METTL16: variants seen among roughly 807,000 people sequenced by gnomAD.
The protein encoded by METTL16 is methyltransferase 16, RNA N6-adenosine.
Under a neutral mutation model 57.9 loss-of-function variants are expected in METTL16, and 19 were observed. That is an observed-to-expected ratio of 0.33 (90% confidence interval 0.23 to 0.48). The LOEUF (loss-of-function observed/expected upper bound fraction) is 0.48, where lower values mean the gene tolerates loss of function less well. METTL16 is among the 20% of genes least tolerant of loss of function. METTL16 has a pLI of 0.99. For missense variants in METTL16, 434 were observed against 691.5 expected, an observed-to-expected ratio of 0.63 and a Z score of 4.18; for synonymous variants, 246 against 255.6, an observed-to-expected ratio of 0.96 and a Z score of 0.36.
At position 2,421,135 on chromosome 17, in the gene METTL16, C is replaced by T. The variant is rs150775090; in HGVS notation, c.889-231G>A. Among the ~76,000 whole-genome samples, 1,284 of 152,304 alleles carry T rather than the reference C, an allele frequency of 8.4e-3. 12 individuals are homozygous for T. Among genetic ancestry groups the T allele is most frequent in the Middle Eastern group, 0.014 (4 of 294 alleles). ...TTGGGGGGCCATGGCAGGAGCATCA[C>T]TTGAGCCCAGGAGTTTGAGATCAGC... On this transcript the variant is annotated intron_variant, in intron 8 of 9. Coordinates refer to ENST00000263092, the MANE Select transcript of METTL16 (RefSeq NM_024086.4).
chr17:2,440,970 CAAAAAAAAAAAA>C (rs760521188), intron 7 of METTL16, among the ~76,000 whole-genome samples: 4 of 34,042 alleles, frequency 1.2e-4, no homozygotes, highest in South Asian at 2.5e-3. Context: ...GACTTGATCT[CAAAAAAAAAAAA>C]AAAAAAAAAA....
intron 1 of METTL16, among the ~76,000 whole-genome samples, chr17:2,505,170 A>C (rs112204260): frequency 0.023 from 3,508 of 151,862 alleles, 61 homozygotes; most frequent in African/African-American, 0.049. Flanking sequence ...ATATATATAT[A>C]TATCTCTCTC....
At chr17:2,448,782 A>AAAAT (rs1491132528) in intron 6 of METTL16, among the ~76,000 whole-genome samples, 2 of 102,990 alleles carry the variant, frequency 1.9e-5, no homozygotes, top group African/African-American at 1.3e-4. Context: ...ATAAAAAAAT[A>AAAAT]AAAAAATAAA....
chr17:2,464,312 A>T lies in METTL16; in HGVS notation c.624T>A (p.Ser208Arg). The change falls in exon 6 of 10, where the codon AGT (serine) becomes AGA (arginine). Residue 208 changes from serine (S) to arginine (R), a missense_variant. Ser to Arg is a moderately radical substitution (Grantham distance 110). Around this residue, in one of 5 missense-constraint regions of METTL16, gnomAD observed 118 missense variants for 280.0 expected, o/e 0.42. Coordinates refer to ENST00000263092, the MANE Select transcript of METTL16 (RefSeq NM_024086.4). ...CTGTGATGCCTCCTGTATTAACAGAACTAGGCGGAGGTCTTCGAGGATTTC... is the reference window on the plus strand; with the variant it reads ...CTGTGATGCCTCCTGTATTAACAGATCTAGGCGGAGGTCTTCGAGGATTTC... Reference protein sequence around the residue: ...NSRNPRRPPPSSVNTGGITEI... With the variant: ...NSRNPRRPPPRSVNTGGITEI... 6.2e-7 allele frequency: 1 copy of T among 1,611,670 alleles called. No individual in the cohort carries two copies. The highest frequency in any genetic ancestry group is 1.3e-5 in the African/African-American group (1 of 74,918).
intron 6 of METTL16, among the ~76,000 whole-genome samples, chr17:2,446,933 G>A (rs866593640): frequency 5.9e-5 from 9 of 151,354 alleles, no homozygotes; most frequent in Middle Eastern, 3.2e-3. Context: ...GCTCGCTACA[G>A]CCTCCACCTC....
chr17:2,446,752 GT>G (rs541985432), intron 6 of METTL16, among the ~76,000 whole-genome samples: 12 of 149,294 alleles, frequency 8.0e-5, no homozygotes, highest in East Asian at 3.9e-4. Context: ...ACTGGTTCTC[GT>G]TTTTTTTTTG....
Position 2,495,425 on chromosome 17 carries a change from G to A in METTL16, c.128+6779C>T, listed in dbSNP as rs1382598257. 3.3e-5 allele frequency among the ~76,000 whole-genome samples: 5 copies of A among 152,052 alleles called. No homozygotes were observed. In the East Asian group the frequency reaches 5.8e-4, roughly 18 times the overall value. ...GAAAAAGATGATTTCGGCTGGGTGC[G>A]GTGGCTCACGCCTGTAATCCCAGCA... On this transcript the variant is annotated intron_variant, in intron 2 of 9. Coordinates refer to ENST00000263092, the MANE Select transcript of METTL16 (RefSeq NM_024086.4).
Position 2,419,440 on chromosome 17 carries a change from T to C in METTL16, c.*530A>G. 1 of 325,990 alleles carries C rather than the reference T, an allele frequency of 3.1e-6. No individual in the cohort carries two copies. The highest frequency in any genetic ancestry group is 6.1e-6 in the Non-Finnish European group (1 of 163,320). The allele number at this position is 325,990 out of a possible 1,614,324, so 20.2% of individuals were successfully genotyped here. A position where few individuals can be genotyped will look rare whatever the true frequency, so the allele number is the denominator to read the frequency against. On this transcript the variant is annotated 3_prime_UTR_variant, in exon 10 of 10. Coordinates refer to ENST00000263092, the MANE Select transcript of METTL16 (RefSeq NM_024086.4). Reference sequence around the variant, plus strand: ...CTGCTCCTTCCCAGCATTACTAAGGTTTCTCTCCCAGATTCCCCACCACCC... The same window carrying C: ...CTGCTCCTTCCCAGCATTACTAAGGCTTCTCTCCCAGATTCCCCACCACCC...
chr17:2,466,994 C>T (rs750773637), intron 5 of METTL16, among the ~76,000 whole-genome samples: 17 of 151,938 alleles, frequency 1.1e-4, no homozygotes, highest in Non-Finnish European at 2.5e-4. Flanking sequence ...TTTGTAGAGA[C>T]AGGGCTTCAC....
In METTL16 at chr17:2,441,499, G is replaced by A. The variant is rs2066951641; in HGVS notation, c.789C>T (p.Arg263=). 1 of 1,596,252 alleles carries A rather than the reference G, an allele frequency of 6.3e-7. No homozygotes were observed. Among genetic ancestry groups the A allele is most frequent in the Non-Finnish European group, 8.5e-7 (1 of 1,169,962 alleles). The part of the protein sequence containing the change: ...CSLAPLKEEL[R]IQGVPKVTYT... ...AATGAGGAAGCCTCACCCCTTGTAT[G>A]CGAAGCTCCTCCTTCAGAGGCGCCA... The change falls in exon 7 of 10, where the codon CGC becomes CGT. Residue 263 remains arginine (R), a synonymous_variant. Coordinates refer to ENST00000263092, the MANE Select transcript of METTL16 (RefSeq NM_024086.4).
rs559605238 is a variant in METTL16, at chr17:2,478,822, G to A, written c.129-937C>T. On this transcript the variant is annotated intron_variant, in intron 2 of 9. Coordinates refer to ENST00000263092, the MANE Select transcript of METTL16 (RefSeq NM_024086.4). ...CAGTGTTTCACTTCTTTTTATGGGCGAATAATGTTCCATAGTAAGAATGAC... is the reference window on the plus strand; with the variant it reads ...CAGTGTTTCACTTCTTTTTATGGGCAAATAATGTTCCATAGTAAGAATGAC... Among the ~76,000 whole-genome samples the A allele has an allele frequency of 1.7e-4, 26 of 152,216 alleles. No homozygotes were observed. The South Asian group carries it at 3.1e-3, about 18-fold the overall frequency.
chr17:2,419,558 G>A lies in METTL16; in HGVS notation c.*412C>T. On this transcript the variant is annotated 3_prime_UTR_variant, in exon 10 of 10. Transcript: ENST00000263092. The stretch of plus-strand genomic sequence containing the variant: ...GTACCAGGGCCTCCAGCTGGAGGCA[G>A]AGAGAGCCACCCCTCCTCAAGAAAC... 2.2e-6 allele frequency: 1 copy of A among 458,312 alleles called. No individual in the cohort carries two copies. The highest frequency in any genetic ancestry group is 4.4e-6 in the Non-Finnish European group (1 of 229,306). The allele number at this position is 458,312 out of a possible 1,614,324, so 28.4% of individuals were successfully genotyped here.
chr17:2,489,321 A>C (rs1357776071), intron 2 of METTL16, among the ~76,000 whole-genome samples: 1 of 152,006 alleles, frequency 6.6e-6, no homozygotes, highest in Non-Finnish European at 1.5e-5. Flanking sequence ...AAATCTAGTC[A>C]TCCAAACACC....
At chr17:2,446,276 T>G (rs1281991024) in intron 6 of METTL16, among the ~76,000 whole-genome samples, 1 of 152,186 alleles carries the variant, frequency 6.6e-6, no homozygotes, top group Non-Finnish European at 1.5e-5. Flanking sequence ...CTATTCAAAA[T>G]TGTGCTGGAG....
intron 8 of METTL16, among the ~76,000 whole-genome samples, chr17:2,422,747 G>A (rs948546531): frequency 1.3e-5 from 2 of 152,146 alleles, no homozygotes; most frequent in Admixed American, 6.5e-5. Context: ...ACTTTCGGAG[G>A]CCGAGGCGGC....
chr17:2,457,493 G>A (rs1340376451), intron 6 of METTL16, among the ~76,000 whole-genome samples: 5 of 152,028 alleles, frequency 3.3e-5, no homozygotes, highest in African/African-American at 9.7e-5. Flanking sequence ...GATAACCTGA[G>A]GTCAGGAGTT....
intron 7 of METTL16, among the ~76,000 whole-genome samples, chr17:2,440,224 T>C (rs902352277): frequency 7.9e-5 from 12 of 151,972 alleles, no homozygotes; most frequent in African/African-American, 2.9e-4. Context: ...GCAACCACAC[T>C]ACAGTCTGGT....
At chr17:2,475,459 A>G (rs1431333275) in intron 3 of METTL16, among the ~76,000 whole-genome samples, 2 of 152,144 alleles carry the variant, frequency 1.3e-5, no homozygotes, top group African/African-American at 4.8e-5. Flanking sequence ...TCCAGACCAG[A>G]TCCTTGACTT....
At position 2,464,130 on chromosome 17, in the gene METTL16, CA is replaced by C. The variant is rs573586064; in HGVS notation, c.728+77del. On this transcript the variant is annotated intron_variant, in intron 6 of 9. Coordinates refer to ENST00000263092, the MANE Select transcript of METTL16 (RefSeq NM_024086.4). Reference sequence around the variant, plus strand: ...AGAGCAAGACTCTGTCCCCCGCCACCAAAAAAAAGAGAACTACATAGCGGGT... The same window carrying C: ...AGAGCAAGACTCTGTCCCCCGCCACCAAAAAAAGAGAACTACATAGCGGGT... The C allele has an allele frequency of 8.6e-4, 1,246 of 1,444,930 alleles. 1 individual carries two copies. Among genetic ancestry groups the C allele is most frequent in the Admixed American group, 1.1e-3 (52 of 45,876 alleles). The allele number at this position is 1,444,930 out of a possible 1,614,324, so 89.5% of individuals were successfully genotyped here.
Sources: allele counts gnomAD v4.1 joint callset (sites outside exome capture counted in the v4.1 genomes callset), GRCh38; gene constraint gnomAD v4.1.1; regional missense constraint gnomAD v4.1.1; transcripts MANE v1.5; gene names NCBI Gene and HGNC (gene_info 2026-07-23, HGNC 2026-07-21).